Variants in FXR1 observed in about 807,000 individuals in gnomAD.
FXR1 encodes the protein FMR1 autosomal homolog 1.
In FXR1, 15 loss-of-function variants were observed where a neutral mutation model predicts 84.0. The ratio of observed to expected loss-of-function variants is 0.18; its 90% CI spans 0.12 to 0.27. The LOEUF (loss-of-function observed/expected upper bound fraction) is 0.27. Among genes scored for constraint, FXR1 ranks in the 10% least tolerant of loss-of-function variants. The pLI is 1.00. For synonymous variants in FXR1, 245 were observed against 250.7 expected (o/e 0.98, Z 0.21); for missense variants, 480 against 774.4 (o/e 0.62, Z 4.51).
chr3:180,972,151 C>G (rs1713660832), intron 15 of FXR1, among the ~76,000 whole-genome samples: 1 of 152,180 alleles, frequency 6.6e-6, no homozygotes, highest in Admixed American at 6.6e-5. Context: ...CTTCTTTCCT[C>G]CCCTCCTTTA....
intron 3 of FXR1, among the ~76,000 whole-genome samples, chr3:180,939,483 A>AG (rs1454800464): frequency 6.6e-6 from 1 of 152,184 alleles, no homozygotes; most frequent in Non-Finnish European, 1.5e-5. Context: ...CAAATGAAAG[A>AG]GATGCATGAG....
At chr3:180,969,287 G>A (rs573692580) in intron 14 of FXR1, among the ~76,000 whole-genome samples, 4 of 152,152 alleles carry the variant, frequency 2.6e-5, no homozygotes, top group Non-Finnish European at 5.9e-5. Flanking sequence ...CAAAATAAAT[G>A]TACTTGACCT....
At chr3:180,955,449 TGAA>T (rs1353658633) in intron 9 of FXR1, among the ~76,000 whole-genome samples, 2 of 152,104 alleles carry the variant, frequency 1.3e-5, no homozygotes, top group African/African-American at 4.8e-5. Context: ...AATATAAACT[TGAA>T]GAATTTTGTA....
intron 15 of FXR1, chr3:180,971,761 T>G (rs568846462): frequency 6.5e-6 from 1 of 152,800 alleles, no homozygotes; most frequent in East Asian, 1.9e-4. Flanking sequence ...ATGTAGTCAT[T>G]AATTTTTAGT....
rs1263349730 is a variant in FXR1, at chr3:180,981,602, A to G, written c.*5310A>G. On this transcript the variant is annotated 3_prime_UTR_variant, in exon 17 of 17. Transcript: ENST00000357559. ...ACAAAAATCTCTGATATTGAGGTCT[A>G]ATGTGAAGGCTATAGATAGGAATTC... 6.6e-6 allele frequency: 1 copy of G among 152,220 alleles called. No individual in the cohort carries two copies. Among genetic ancestry groups the G allele is most frequent in the Admixed American group, 6.5e-5 (1 of 15,272 alleles). 9.4% of individuals were successfully genotyped at this position (152,220 alleles called of 1,614,324 possible). A position where few individuals can be genotyped will look rare whatever the true frequency, so the allele number is the denominator to read the frequency against.
chr3:180,928,109 A>G (rs1235973168), intron 1 of FXR1, among the ~76,000 whole-genome samples: 1 of 148,456 alleles, frequency 6.7e-6, no homozygotes, highest in Non-Finnish European at 1.5e-5. Context: ...TTGAAGTTTG[A>G]ATGTTTTATC....
chr3:180,977,910 G>C lies in FXR1; in HGVS notation c.*1618G>C, dbSNP rs1714383256. 2 of 151,938 alleles carry C rather than the reference G, an allele frequency of 1.3e-5. No individual in the cohort carries two copies. The highest frequency in any genetic ancestry group is 2.9e-5 in the Non-Finnish European group (2 of 67,954). 9.4% of individuals were successfully genotyped at this position (151,938 alleles called of 1,614,324 possible). A position where few individuals can be genotyped will look rare whatever the true frequency, so the allele number is the denominator to read the frequency against. On this transcript the variant is annotated 3_prime_UTR_variant, in exon 17 of 17. Coordinates refer to ENST00000357559, the MANE Select transcript of FXR1 (RefSeq NM_005087.4). Reference sequence around the variant, plus strand: ...TTCTGATTAAGGTTAAAATGTGCTGGTATTACGTGCTTTTTCCTGAGGCCT... The same window carrying C: ...TTCTGATTAAGGTTAAAATGTGCTGCTATTACGTGCTTTTTCCTGAGGCCT...
At chr3:180,916,713 A>T (rs1717938031) in intron 1 of FXR1, among the ~76,000 whole-genome samples, 1 of 152,082 alleles carries the variant, frequency 6.6e-6, no homozygotes, top group African/African-American at 2.4e-5. Context: ...GACCATGAGT[A>T]TAATTTTAAA....
At chr3:180,928,367 GC>G (rs1246021914) in intron 1 of FXR1, among the ~76,000 whole-genome samples, 1 of 40,434 alleles carries the variant, frequency 2.5e-5, no homozygotes, top group Non-Finnish European at 5.0e-5. Flanking sequence ...TCCCATCCCA[GC>G]CCCCCCACCC....
rs1024764410 is a variant in FXR1, at chr3:180,980,823, A to G, written c.*4531A>G. ...AACAGCACACTGTACAGCAGTCCAA[A>G]AACTAAAACCAGAGCTTAGGTCATT... On this transcript the variant is annotated 3_prime_UTR_variant, in exon 17 of 17. Transcript: ENST00000357559. The G allele has an allele frequency of 2.6e-5, 4 of 152,146 alleles. No homozygotes were observed. The Middle Eastern group carries it at 0.01, about 388-fold the overall frequency. 9.4% of individuals were successfully genotyped at this position (152,146 alleles called of 1,614,324 possible). A position where few individuals can be genotyped will look rare whatever the true frequency, so the allele number is the denominator to read the frequency against.
chr3:180,954,368 A>G (rs1212920049), intron 9 of FXR1, among the ~76,000 whole-genome samples: 2 of 152,204 alleles, frequency 1.3e-5, no homozygotes, highest in African/African-American at 4.8e-5. Flanking sequence ...GGATGATAAT[A>G]TGAGGGGAGG....
At chr3:180,928,682 G>C (rs988448820) in intron 1 of FXR1, among the ~76,000 whole-genome samples, 1 of 152,062 alleles carries the variant, frequency 6.6e-6, no homozygotes, top group African/African-American at 2.4e-5. Context: ...GTTGCTGTAA[G>C]TAGAATTTTT....
At position 180,912,745 on chromosome 3, in the gene FXR1, C is replaced by T; in HGVS notation, c.51+9C>T. On this transcript the variant is annotated intron_variant, in intron 1 of 16. Transcript: ENST00000357559. ...ACGGGGCTTTCTACAAGGTACTGACCGTTTTGCCACTTTGTCGAGTGTTCT... is the reference window on the plus strand; with the variant it reads ...ACGGGGCTTTCTACAAGGTACTGACTGTTTTGCCACTTTGTCGAGTGTTCT... The T allele has an allele frequency of 1.9e-6, 3 of 1,614,018 alleles. No homozygotes were observed. Among genetic ancestry groups the T allele is most frequent in the South Asian group, 1.1e-5 (1 of 91,074 alleles).
At chr3:180,951,526 ATATTTT>A in intron 8 of FXR1, 58 bp downstream of exon 8, 1 of 1,218,738 alleles carries the variant, frequency 8.2e-7, no homozygotes, top group South Asian at 1.4e-5. Flanking sequence ...TTGTTTGATT[ATATTTT>A]TATCTGAAAT....
Position 180,976,372 on chromosome 3 carries a change from T to C in FXR1, c.*80T>C. ...GTACAAGCTTGCCAAAGATAGAATATGGATCGCCAGTCTTTACATCGCACT... is the reference window on the plus strand; with the variant it reads ...GTACAAGCTTGCCAAAGATAGAATACGGATCGCCAGTCTTTACATCGCACT... On this transcript the variant is annotated 3_prime_UTR_variant, in exon 17 of 17. Transcript: ENST00000357559. 2 of 964,284 alleles carry C rather than the reference T, an allele frequency of 2.1e-6. No homozygotes were observed. Among genetic ancestry groups the C allele is most frequent in the Non-Finnish European group, 3.1e-6 (2 of 651,086 alleles). 59.7% of individuals were successfully genotyped at this position (964,284 alleles called of 1,614,324 possible). A position where few individuals can be genotyped will look rare whatever the true frequency, so the allele number is the denominator to read the frequency against.
At chr3:180,936,204 T>G (rs896618407) in intron 3 of FXR1, among the ~76,000 whole-genome samples, 7 of 151,182 alleles carry the variant, frequency 4.6e-5, no homozygotes, top group South Asian at 4.2e-4. Flanking sequence ...TTACAAACAT[T>G]TTAAACTTAC....
intron 1 of FXR1, among the ~76,000 whole-genome samples, chr3:180,932,870 T>G (rs1334733152): frequency 6.6e-6 from 1 of 152,246 alleles, no homozygotes; most frequent in East Asian, 1.9e-4. Context: ...CATTACTTCA[T>G]TTACTTCTGA....
At chr3:180,928,405 T>A in intron 1 of FXR1, among the ~76,000 whole-genome samples, 1 of 121,780 alleles carries the variant, frequency 8.2e-6, no homozygotes, top group South Asian at 2.9e-4. Flanking sequence ...TTTTTTAAAA[T>A]TTTTTGAGAT....
Position 180,948,418 on chromosome 3 carries a change from T to A in FXR1, c.342T>A (p.Pro114=). 1 of 1,606,100 alleles carries A rather than the reference T, an allele frequency of 6.2e-7. No individual in the cohort carries two copies. The highest frequency in any genetic ancestry group is 1.1e-5 in the South Asian group (1 of 90,906). ...TAGTCACATTTGAACGACTTCGGCCTGTCAATCAAAATAAAACTGTCAAAA... is the reference window on the plus strand; with the variant it reads ...TAGTCACATTTGAACGACTTCGGCCAGTCAATCAAAATAAAACTGTCAAAA... ...NEIVTFERLR[P]VNQNKTVKKN... Residue 114 remains proline, a synonymous_variant, in exon 5 of 17, where the codon CCT becomes CCA. Transcript: ENST00000357559.
Sources: allele counts gnomAD v4.1 joint callset (sites outside exome capture counted in the v4.1 genomes callset), GRCh38; gene constraint gnomAD v4.1.1; transcripts MANE v1.5; gene names NCBI Gene and HGNC (gene_info 2026-07-23, HGNC 2026-07-21).